Variants in AGAP1 observed in about 807,000 individuals in gnomAD.
AGAP1 encodes arf-GAP with GTPase, ANK repeat and PH domain-containing protein 1.
In AGAP1, 29 loss-of-function variants were observed where a neutral mutation model predicts 105.3. That is an observed-to-expected ratio of 0.28 (90% CI 0.21 to 0.38). The LOEUF (loss-of-function observed/expected upper bound fraction) is 0.38. AGAP1 is among the 10% of genes least tolerant of loss of function. The pLI, the probability that AGAP1 is intolerant of heterozygous loss-of-function variation, is 1.00. For synonymous variants in AGAP1, 509 were observed against 485.9 expected (o/e 1.05, Z -0.63); for missense variants, 998 against 1,165.1 (o/e 0.86, Z 2.09).
intron 12 of AGAP1, among the ~76,000 whole-genome samples, chr2:235,947,029 T>C (rs2053532898): frequency 6.6e-6 from 1 of 152,220 alleles, no homozygotes; most frequent in Non-Finnish European, 1.5e-5. Flanking sequence ...AAAAATTATA[T>C]ATAGATATTT....
chr2:235,677,906 C>CAAAAAAAAAAAAAAAAAAAA (rs61111847), intron 1 of AGAP1, among the ~76,000 whole-genome samples: 1 of 62,954 alleles, frequency 1.6e-5, no homozygotes, highest in Non-Finnish European at 3.2e-5. Context: ...AGCTCTTTAC[C>CAAAAAAAAAAAAAAAAAAAA]AAAAAAAAAA....
In AGAP1 at chr2:235,732,912, C is replaced by A. The variant is rs575700294; in HGVS notation, c.311-8051C>A. Among the ~76,000 whole-genome samples the A allele has an allele frequency of 1.3e-5, 2 of 152,196 alleles. No individual in the cohort carries two copies. Among genetic ancestry groups the A allele is most frequent in the African/African-American group, 4.8e-5 (2 of 41,446 alleles). Reference sequence around the variant, plus strand: ...CCAGACCTCAGCCACCTCCCCCAGCCAGCCCCAGGGGTGTTGGGGGCATCT... The same window carrying A: ...CCAGACCTCAGCCACCTCCCCCAGCAAGCCCCAGGGGTGTTGGGGGCATCT... On this transcript the variant is annotated intron_variant, in intron 3 of 17. Transcript: ENST00000304032. The surrounding 1 kb of genome is among the most constrained non-coding windows in gnomAD (Gnocchi z 4.8).
chr2:235,643,895 T>TC (rs1947285595), intron 1 of AGAP1, among the ~76,000 whole-genome samples: 1 of 152,160 alleles, frequency 6.6e-6, no homozygotes, highest in Non-Finnish European at 1.5e-5. Context: ...ATTTGGTTCT[T>TC]CTGTGTCCTG....
At chr2:235,581,307 CAA>C (rs1299471161) in intron 1 of AGAP1, among the ~76,000 whole-genome samples, 3 of 131,094 alleles carry the variant, frequency 2.3e-5, no homozygotes, top group Middle Eastern at 4.1e-3. Context: ...AACTCCGTCT[CAA>C]AAAAAAAAAA....
Position 235,663,600 on chromosome 2 carries a change from A to G in AGAP1, c.164-45579A>G, listed in dbSNP as rs569005971. Among the ~76,000 whole-genome samples the G allele has an allele frequency of 1.8e-4, 28 of 152,298 alleles. No homozygotes were observed. The highest frequency in any genetic ancestry group is 5.5e-4 in the African/African-American group (23 of 41,576). On this transcript the variant is annotated intron_variant, in intron 1 of 17. Coordinates refer to ENST00000304032, the MANE Select transcript of AGAP1 (RefSeq NM_001037131.3). This position sits in a 1 kb window ranked among gnomAD's most constrained non-coding sequence, Gnocchi z 5.4. The stretch of plus-strand genomic sequence containing the variant: ...TCCCAGGGCATCGTTTGTGGCCTCA[A>G]TGTGATTTTCATGTAAGTCATGGAT...
rs2058701508 is a variant in AGAP1, at chr2:236,078,481, G to A, written c.2114+29200G>A. Among the ~76,000 whole-genome samples the A allele has an allele frequency of 6.6e-6, 1 of 152,182 alleles. No individual in the cohort carries two copies. The highest frequency in any genetic ancestry group is 6.5e-5 in the Admixed American group (1 of 15,276). Reference sequence around the variant, plus strand: ...GGTTGACATGTGAAACTGATCATGAGTCATCCTGCTATGACTTTAATTGCC... The same window carrying A: ...GGTTGACATGTGAAACTGATCATGAATCATCCTGCTATGACTTTAATTGCC... On this transcript the variant is annotated intron_variant, in intron 16 of 17. Coordinates refer to ENST00000304032, the MANE Select transcript of AGAP1 (RefSeq NM_001037131.3). The surrounding 1 kb of genome is among the most constrained non-coding windows in gnomAD (Gnocchi z 5.3).
chr2:235,557,187 A>C lies in AGAP1; in HGVS notation c.163+62338A>C, dbSNP rs1328547753. ...GCCTGTGGGACGTGAACCACCATTC[A>C]TGATCCTGGGAGGTGAAGCCCTGGG... is the stretch of plus-strand genomic sequence containing the variant. On this transcript the variant is annotated intron_variant, in intron 1 of 17. Transcript: ENST00000304032. This position sits in a 1 kb window ranked among gnomAD's most constrained non-coding sequence, Gnocchi z 4.7. 6.6e-6 allele frequency among the ~76,000 whole-genome samples: 1 copy of C among 151,928 alleles called. No homozygotes were observed. Among genetic ancestry groups the C allele is most frequent in the Non-Finnish European group, 1.5e-5 (1 of 67,986 alleles).
rs974209809 is a variant in AGAP1 at position 235,728,311 on chromosome 2, G to A, written c.310+10667G>A. Among the ~76,000 whole-genome samples the A allele has an allele frequency of 6.6e-6, 1 of 151,734 alleles. No homozygotes were observed. Among genetic ancestry groups the A allele is most frequent in the Non-Finnish European group, 1.5e-5 (1 of 67,978 alleles). The stretch of plus-strand genomic sequence containing the variant: ...GACTGGGCCCAGACTCTGTGTGTGT[G>A]TGTGTGTGTGTGTGTGCGTGCTCTT... On this transcript the variant is annotated intron_variant, in intron 3 of 17. Coordinates refer to ENST00000304032, the MANE Select transcript of AGAP1 (RefSeq NM_001037131.3). This position sits in a 1 kb window ranked among gnomAD's most constrained non-coding sequence, Gnocchi z 4.3.
Position 235,930,732 on chromosome 2 carries a change from G to T in AGAP1, c.1325-33G>T, listed in dbSNP as rs750744707. ...CGCTGGTTTCTGTGGTCTGCAGTCC[G>T]CGGTGGTGTTCACCTGACTTGTTTA... is the stretch of plus-strand genomic sequence containing the variant. On this transcript the variant is annotated intron_variant, in intron 11 of 17. Coordinates refer to ENST00000304032, the MANE Select transcript of AGAP1 (RefSeq NM_001037131.3). This position sits in a 1 kb window ranked among gnomAD's most constrained non-coding sequence, Gnocchi z 7.9. 2 of 1,605,360 alleles carry T rather than the reference G, an allele frequency of 1.2e-6. No homozygotes were observed. The highest frequency in any genetic ancestry group is 1.7e-6 in the Non-Finnish European group (2 of 1,176,054).
chr2:236,093,391 C>A (rs965418932), intron 16 of AGAP1, among the ~76,000 whole-genome samples: 9 of 152,192 alleles, frequency 5.9e-5, no homozygotes, highest in African/African-American at 1.9e-4. Flanking sequence ...CAGACAGACT[C>A]GGTAGTGGAA....
intron 12 of AGAP1, among the ~76,000 whole-genome samples, chr2:235,938,313 G>A (rs528542765): frequency 3.9e-5 from 6 of 152,340 alleles, no homozygotes; most frequent in Admixed American, 2.6e-4. Context: ...GGTGGTCAAG[G>A]CTAGATTCAA....
chr2:235,623,309 G>A lies in AGAP1; in HGVS notation c.164-85870G>A, dbSNP rs193263500. 1.3e-5 allele frequency among the ~76,000 whole-genome samples: 2 copies of A among 152,324 alleles called. No individual in the cohort carries two copies. Among genetic ancestry groups the A allele is most frequent in the East Asian group, 1.9e-4 (1 of 5,188 alleles). The stretch of plus-strand genomic sequence containing the variant: ...TTGGGCATGTCAAATGAATCTGGGC[G>A]TTAGCCTACAAATCAAGATTTGCTT... On this transcript the variant is annotated intron_variant, in intron 1 of 17. Transcript: ENST00000304032. The surrounding 1 kb of genome is among the most constrained non-coding windows in gnomAD (Gnocchi z 4.5).
intron 6 of AGAP1, among the ~76,000 whole-genome samples, chr2:235,796,958 A>G (rs1575490419): frequency 6.6e-6 from 1 of 152,188 alleles, no homozygotes; most frequent in Non-Finnish European, 1.5e-5. Flanking sequence ...CAGCGAGCCT[A>G]TTTGCCAAGA....
intron 16 of AGAP1, among the ~76,000 whole-genome samples, chr2:236,107,435 C>G (rs1333244625): frequency 6.6e-6 from 1 of 152,150 alleles, no homozygotes; most frequent in Non-Finnish European, 1.5e-5. Flanking sequence ...TGCGCGCTTT[C>G]ATGATTCCTC....
At position 236,020,914 on chromosome 2, in the gene AGAP1, C is replaced by G. The variant is rs2056861718; in HGVS notation, c.1646-15647C>G. On this transcript the variant is annotated intron_variant, in intron 13 of 17. Transcript: ENST00000304032. This position sits in a 1 kb window ranked among gnomAD's most constrained non-coding sequence, Gnocchi z 5.0. ...GGCACAGTGGCTCACACCTATAATCCCAGCACTTTGGGAGGTCAAGGTGGG... is the reference window on the plus strand; with the variant it reads ...GGCACAGTGGCTCACACCTATAATCGCAGCACTTTGGGAGGTCAAGGTGGG... 6.6e-6 allele frequency among the ~76,000 whole-genome samples: 1 copy of G among 152,066 alleles called. No individual in the cohort carries two copies.
chr2:235,571,991 CACACACACACACT>C (rs1559257349), intron 1 of AGAP1, among the ~76,000 whole-genome samples: 4 of 119,528 alleles, frequency 3.3e-5, no homozygotes, highest in African/African-American at 1.4e-4. Context: ...CACACACACA[CACACACACACACT>C]TTTTTTTTTT....
Position 235,994,583 on chromosome 2 carries a change from T to C in AGAP1, c.1645+25960T>C, listed in dbSNP as rs1173979291. Among the ~76,000 whole-genome samples the C allele has an allele frequency of 2.0e-5, 3 of 151,742 alleles. No individual in the cohort carries two copies. The highest frequency in any genetic ancestry group is 6.6e-5 in the Admixed American group (1 of 15,228). ...TACTTTCTACCAAACTGTTTCCTAA[T>C]TGCACTCCCTGCATTGTCTTATTCA... is the stretch of plus-strand genomic sequence containing the variant. On this transcript the variant is annotated intron_variant, in intron 13 of 17. Coordinates refer to ENST00000304032, the MANE Select transcript of AGAP1 (RefSeq NM_001037131.3). The surrounding 1 kb of genome is among the most constrained non-coding windows in gnomAD (Gnocchi z 4.4).
At chr2:235,924,524 C>T (rs1402107699) in intron 11 of AGAP1, among the ~76,000 whole-genome samples, 1 of 152,216 alleles carries the variant, frequency 6.6e-6, no homozygotes, top group Non-Finnish European at 1.5e-5. Context: ...GCAGCTTCTG[C>T]ATACCGGGTC....
At chr2:236,118,157 T>G (rs2059815740) in intron 16 of AGAP1, among the ~76,000 whole-genome samples, 1 of 152,190 alleles carries the variant, frequency 6.6e-6, no homozygotes, top group African/African-American at 2.4e-5. Context: ...AAACAAGGCC[T>G]TTCCTCTGTA....
Sources: gnomAD v4.1 joint callset for allele counts (sites outside exome capture counted in the v4.1 genomes callset) on GRCh38, gnomAD v4.1.1 for gene constraint, Gnocchi (gnomAD v3.1) non-coding constraint, MANE v1.5 for transcripts, NCBI Gene and HGNC (gene_info 2026-07-23, HGNC 2026-07-21) for gene names.